Variants in CPNE2 observed in about 807,000 individuals in gnomAD.
The protein encoded by CPNE2 is copine-2.
CPNE2 carries 42 observed loss-of-function variants against 69.7 expected under a neutral mutation model. That is an observed-to-expected ratio of 0.60 (90% CI 0.47 to 0.78). The LOEUF (loss-of-function observed/expected upper bound fraction) is 0.78, where lower values mean the gene tolerates loss of function less well. CPNE2 is among the 30% of genes least tolerant of loss of function. The probability of loss-of-function intolerance (pLI) is 0.00; values close to 1 mark genes in which losing one functional copy is unlikely to be tolerated. For missense variants in CPNE2, 587 were observed against 732.0 expected (o/e 0.80, Z 2.29); for synonymous variants, 294 against 289.8 (o/e 1.01, Z -0.15).
At chr16:57,105,898 C>T (rs1034967710) in intron 1 of CPNE2, among the ~76,000 whole-genome samples, 5 of 152,162 alleles carry the variant, frequency 3.3e-5, no homozygotes, top group African/African-American at 9.7e-5. Flanking sequence ...GTGGGGGCTG[C>T]CCCAGAGGTG....
chr16:57,102,283 C>T (rs752658225), intron 1 of CPNE2, among the ~76,000 whole-genome samples: 38 of 152,108 alleles, frequency 2.5e-4, no homozygotes, highest in African/African-American at 7.5e-4. Flanking sequence ...CGGGGAGATG[C>T]GTAGGTGACC....
In CPNE2 at chr16:57,099,149, C is replaced by G. The variant is rs746741003; in HGVS notation, c.-36+6359C>G. 7.9e-5 allele frequency among the ~76,000 whole-genome samples: 12 copies of G among 152,296 alleles called. 1 individual carries two copies. The South Asian group carries it at 2.1e-3, about 26-fold the overall frequency. ...ACGTGTCCTACTGCTATCCTGACTT[C>G]CAGCAGCATAGATTTGTTTTGTCCA... On this transcript the variant is annotated intron_variant, in intron 1 of 15. Transcript: ENST00000290776.
chr16:57,113,751 A>C (rs1261342134), intron 3 of CPNE2, among the ~76,000 whole-genome samples: 5 of 152,230 alleles, frequency 3.3e-5, no homozygotes, highest in Non-Finnish European at 7.3e-5. Flanking sequence ...GGGTAGGAGC[A>C]TCTGACCAGC....
At chr16:57,124,988 C>T (rs1391467305) in intron 10 of CPNE2, 19 of 299,258 alleles carry the variant, frequency 6.3e-5, no homozygotes, top group South Asian at 6.0e-5. Flanking sequence ...GACATGCTGC[C>T]CCTGACCTGG....
intron 5 of CPNE2, among the ~76,000 whole-genome samples, chr16:57,118,032 G>A (rs1361794051): frequency 3.3e-5 from 5 of 152,028 alleles, no homozygotes; most frequent in African/African-American, 4.8e-5. Flanking sequence ...ATTTTCTCAC[G>A]GCACCCTCTC....
intron 10 of CPNE2, chr16:57,125,356 A>G (rs1190988870): frequency 2.2e-6 from 1 of 456,110 alleles, no homozygotes; most frequent in African/African-American, 2.0e-5. Context: ...TCTACCAGGC[A>G]ACCCCAGGTC....
intron 1 of CPNE2, among the ~76,000 whole-genome samples, chr16:57,104,070 C>A (rs190998885): frequency 7.0e-4 from 107 of 152,304 alleles, no homozygotes; most frequent in Non-Finnish European, 1.2e-3. Context: ...GCACACACCA[C>A]CACGCCCAGC....
rs778407511 is a variant in CPNE2, at chr16:57,127,919, G to A, written c.1116+16G>A. 1.2e-6 allele frequency: 2 copies of A among 1,613,966 alleles called. No individual in the cohort carries two copies. Among genetic ancestry groups the A allele is most frequent in the Non-Finnish European group, 8.5e-7 (1 of 1,179,840 alleles). On this transcript the variant is annotated intron_variant, in intron 12 of 15. Coordinates refer to ENST00000290776, the MANE Select transcript of CPNE2 (RefSeq NM_152727.6). ...AGACTGGAAGGTGAGTGAAACCGGAGTTAGTTTCCTTTTGGTTGAGATGGG... is the reference window on the plus strand; with the variant it reads ...AGACTGGAAGGTGAGTGAAACCGGAATTAGTTTCCTTTTGGTTGAGATGGG...
chr16:57,121,886 C>A, intron 9 of CPNE2, 126 bp downstream of exon 9: 1 of 818,346 alleles, frequency 1.2e-6, no homozygotes, highest in Non-Finnish European at 2.0e-6. Context: ...ACATCCTGGC[C>A]CTATGGCCTT....
rs529179476 is a variant in CPNE2, at chr16:57,113,300, G to A, written c.193G>A (p.Glu65Lys). 5.0e-6 allele frequency: 8 copies of A among 1,613,996 alleles called. No individual in the cohort carries two copies. In the African/African-American group the frequency reaches 1.1e-4, roughly 22 times the overall value. ...NGRWIEYDRT[E>K]TAINNLNPAF... ...GCCCCTCTGCTAGTACGACAGGACA[G>A]AAACCGCGATCAACAACCTCAACCC... The change falls in exon 3 of 16, where the codon GAA becomes AAA. Residue 65 changes from glutamate (E) to lysine (K), a missense_variant. Coordinates refer to ENST00000290776, the MANE Select transcript of CPNE2 (RefSeq NM_152727.6).
At position 57,118,648 on chromosome 16, in the gene CPNE2, A is replaced by AGATGGATGGATGGATGGATG. The variant is rs3054318; in HGVS notation, c.508-523_508-504dup. On this transcript the variant is annotated intron_variant, in intron 5 of 15. Transcript: ENST00000290776. ...CCTGGGCAATATAGTGAGACCCCAT[A>AGATGGATGGATGGATGGATG]GATGGATGGATGGATGGATGGATGG... is the stretch of plus-strand genomic sequence containing the variant. 2.8e-5 allele frequency among the ~76,000 whole-genome samples: 4 copies of AGATGGATGGATGGATGGATG among 141,778 alleles called. No homozygotes were observed. The East Asian group carries it at 8.4e-4, about 30-fold the overall frequency. The allele number at this position is 141,778 out of a possible 152,430, so 93.0% of individuals were successfully genotyped here.
At chr16:57,101,413 A>C (rs1231278637) in intron 1 of CPNE2, among the ~76,000 whole-genome samples, 1 of 152,172 alleles carries the variant, frequency 6.6e-6, no homozygotes, top group Non-Finnish European at 1.5e-5. Context: ...AAGTTCAGTA[A>C]ACTTAGCAGC....
At position 57,146,603 on chromosome 16, in the gene CPNE2, C is replaced by T. The variant is rs2069960490; in HGVS notation, c.1539+282C>T. 2.3e-6 allele frequency: 1 copy of T among 444,378 alleles called. No individual in the cohort carries two copies. Among genetic ancestry groups the T allele is most frequent in the Admixed American group, 3.9e-5 (1 of 25,660 alleles). 27.5% of individuals were successfully genotyped at this position (444,378 alleles called of 1,614,324 possible). ...GGGGCAGGGCTTCCTGGAGGACCTG[C>T]CCTCTAGTGGGGTCTGATGAGAGGC... On this transcript the variant is annotated intron_variant, in intron 15 of 15. Transcript: ENST00000290776. This position sits in a 1 kb window ranked among gnomAD's most constrained non-coding sequence, Gnocchi z 4.4.
chr16:57,105,899 C>CCA (rs1342742762), intron 1 of CPNE2, among the ~76,000 whole-genome samples: 2 of 152,144 alleles, frequency 1.3e-5, no homozygotes, highest in Non-Finnish European at 2.9e-5. Context: ...TGGGGGCTGC[C>CCA]CCAGAGGTGT....
At chr16:57,141,032 G>A (rs1322301858) in intron 14 of CPNE2, 1 of 152,322 alleles carries the variant, frequency 6.6e-6, no homozygotes, top group Non-Finnish European at 1.5e-5. Flanking sequence ...CTTTCAAAGG[G>A]ATAGAAAAAG....
At chr16:57,101,400 C>T (rs899781602) in intron 1 of CPNE2, among the ~76,000 whole-genome samples, 16 of 152,184 alleles carry the variant, frequency 1.1e-4, no homozygotes, top group Non-Finnish European at 1.5e-5. Context: ...TCCAACCCCC[C>T]AAAAGTTCAG....
intron 1 of CPNE2, among the ~76,000 whole-genome samples, chr16:57,102,549 G>T (rs2069621208): frequency 6.6e-6 from 1 of 152,040 alleles, no homozygotes; most frequent in South Asian, 2.1e-4. Context: ...CCACCAGCCT[G>T]GAGGGAGAGC....
In CPNE2 at chr16:57,104,213, C is replaced by T. The variant is rs541599873; in HGVS notation, c.-35-6495C>T. On this transcript the variant is annotated intron_variant, in intron 1 of 15. Transcript: ENST00000290776. ...GATCACAGGTGTGAGCCACCACGCC[C>T]GGCCGGAAGGCACTCTTGTTCCCAT... Among the ~76,000 whole-genome samples, 16 of 152,328 alleles carry T rather than the reference C, an allele frequency of 1.1e-4. No individual in the cohort carries two copies. The South Asian group carries it at 2.3e-3, about 22-fold the overall frequency.
chr16:57,119,493 G>T, intron 6 of CPNE2, 68 bp from the exon 7 acceptor site: 1 of 1,381,542 alleles, frequency 7.2e-7, no homozygotes, highest in Non-Finnish European at 1.0e-6. Context: ...TGTCCCCATT[G>T]GGCTGACCCA....
Sources: gnomAD v4.1 joint callset for allele counts (sites outside exome capture counted in the v4.1 genomes callset) on GRCh38, gnomAD v4.1.1 for gene constraint, Gnocchi (gnomAD v3.1) non-coding constraint, MANE v1.5 for transcripts, NCBI Gene and HGNC (gene_info 2026-07-23, HGNC 2026-07-21) for gene names.